GAB2: variants seen among roughly 807,000 people sequenced by gnomAD.
GAB2 encodes GRB2-associated-binding protein 2.
Under a neutral mutation model 65.5 loss-of-function variants are expected in GAB2, and 26 were observed. The ratio of observed to expected loss-of-function variants is 0.40; its 90% CI spans 0.29 to 0.55. GAB2 has a LOEUF of 0.55. GAB2 is among the 20% of genes least tolerant of loss of function. The pLI, the probability that GAB2 is intolerant of heterozygous loss-of-function variation, is 0.53. For missense variants in GAB2, 884 were observed against 875.8 expected, an observed-to-expected ratio of 1.01 and a Z score of -0.12; for synonymous variants, 321 against 329.6, an observed-to-expected ratio of 0.97 and a Z score of 0.28.
intron 1 of GAB2, among the ~76,000 whole-genome samples, chr11:78,301,394 A>C (rs949791113): frequency 1.4e-5 from 2 of 145,556 alleles, no homozygotes; most frequent in Non-Finnish European, 3.0e-5. Context: ...CAATGGCGTG[A>C]TCTGGGCTCA....
At chr11:78,250,967 A>G (rs1865438014) in intron 2 of GAB2, among the ~76,000 whole-genome samples, 2 of 152,126 alleles carry the variant, frequency 1.3e-5, no homozygotes, top group Admixed American at 1.3e-4. Context: ...GGAGGGAGAG[A>G]GGGGGACAAG....
At chr11:78,411,913 C>T (rs987265043) in intron 1 of GAB2, among the ~76,000 whole-genome samples, 3 of 151,900 alleles carry the variant, frequency 2.0e-5, no homozygotes, top group African/African-American at 7.3e-5. Context: ...ACCTGTAGTC[C>T]CAGCTACTCA....
chr11:78,321,938 T>C (rs1008919552), intron 1 of GAB2, among the ~76,000 whole-genome samples: 1 of 151,208 alleles, frequency 6.6e-6, no homozygotes, highest in Non-Finnish European at 1.5e-5. Context: ...GCTAAACATA[T>C]GCAGAAGAAT....
At chr11:78,235,373 C>T (rs1256171954) in intron 3 of GAB2, among the ~76,000 whole-genome samples, 3 of 151,984 alleles carry the variant, frequency 2.0e-5, no homozygotes, top group Non-Finnish European at 4.4e-5. Flanking sequence ...AGGATGGTCT[C>T]GATCTCCTGA....
intron 1 of GAB2, among the ~76,000 whole-genome samples, chr11:78,335,680 T>C (rs1454819916): frequency 6.6e-6 from 1 of 152,210 alleles, no homozygotes; most frequent in Non-Finnish European, 1.5e-5. Context: ...ATGTGATTCC[T>C]CAAGTTTTGT....
At chr11:78,268,849 G>C (rs992555126) in intron 2 of GAB2, among the ~76,000 whole-genome samples, 3 of 151,954 alleles carry the variant, frequency 2.0e-5, no homozygotes, top group African/African-American at 7.2e-5. Context: ...ATTCCCTGAA[G>C]TTGGTCAAGG....
At chr11:78,290,078 T>C (rs541117183) in intron 1 of GAB2, among the ~76,000 whole-genome samples, 1 of 152,132 alleles carries the variant, frequency 6.6e-6, no homozygotes, top group Non-Finnish European at 1.5e-5. Flanking sequence ...TGTGCTCTCA[T>C]CTGGCAAAGT....
At chr11:78,258,747 A>G (rs1390112963) in intron 2 of GAB2, among the ~76,000 whole-genome samples, 3 of 151,988 alleles carry the variant, frequency 2.0e-5, no homozygotes, top group Admixed American at 6.6e-5. Context: ...ATAGGCATGC[A>G]CCACCATGCC....
intron 1 of GAB2, among the ~76,000 whole-genome samples, chr11:78,410,733 T>C (rs1857116846): frequency 1.3e-5 from 2 of 152,216 alleles, no homozygotes; most frequent in African/African-American, 4.8e-5. Flanking sequence ...AAGAACCCCG[T>C]ATCTATTAAA....
At chr11:78,291,327 G>A (rs576696115) in intron 1 of GAB2, among the ~76,000 whole-genome samples, 100 of 148,922 alleles carry the variant, frequency 6.7e-4, no homozygotes, top group African/African-American at 1.3e-3. Context: ...TTAGCCAGGC[G>A]TGGTGGCGAG....
Position 78,218,264 on chromosome 11 carries a change from C to G in GAB2, c.*1008G>C, listed in dbSNP as rs1342493590. On this transcript the variant is annotated 3_prime_UTR_variant, in exon 10 of 10. Transcript: ENST00000361507. ...CCTGTGCCTGTCCCAGGGTTCCCCT[C>G]AGTCCCTGCATCACCCCCATCCACA... 1.3e-5 allele frequency: 2 copies of G among 154,026 alleles called. No individual in the cohort carries two copies. The highest frequency in any genetic ancestry group is 2.9e-5 in the Non-Finnish European group (2 of 69,236). The allele number at this position is 154,026 out of a possible 1,614,324, so 9.5% of individuals were successfully genotyped here.
chr11:78,313,285 CAA>C (rs1198602990), intron 1 of GAB2, among the ~76,000 whole-genome samples: 2 of 152,038 alleles, frequency 1.3e-5, no homozygotes, highest in Admixed American at 6.6e-5. Flanking sequence ...CACAATAAAG[CAA>C]AGACTGAATC....
chr11:78,367,827 T>TC (rs1856517068), intron 1 of GAB2, among the ~76,000 whole-genome samples: 1 of 146,396 alleles, frequency 6.8e-6, no homozygotes, highest in African/African-American at 2.5e-5. Context: ...TTTTCTTTTT[T>TC]TTTTTTTTTT....
chr11:78,353,484 A>C (rs1260719493), intron 1 of GAB2, among the ~76,000 whole-genome samples: 1 of 152,168 alleles, frequency 6.6e-6, no homozygotes, highest in Non-Finnish European at 1.5e-5. Context: ...GGGGCCCAAC[A>C]ATGTATATTT....
At chr11:78,275,392 C>G (rs946718420) in intron 2 of GAB2, among the ~76,000 whole-genome samples, 25 of 151,762 alleles carry the variant, frequency 1.6e-4, no homozygotes, top group African/African-American at 5.3e-4. Flanking sequence ...AGAAAGTAGT[C>G]AAATGTTAAC....
intron 4 of GAB2, among the ~76,000 whole-genome samples, chr11:78,225,436 C>A (rs1864605278): frequency 6.6e-6 from 1 of 152,232 alleles, no homozygotes; most frequent in African/African-American, 2.4e-5. Context: ...CTTGACTACT[C>A]TACCCTCATC....
At chr11:78,225,336 A>ATT in intron 4 of GAB2, 134 bp from the exon 5 acceptor site, 1 of 610,284 alleles carries the variant, frequency 1.6e-6, no homozygotes, top group Non-Finnish European at 2.9e-6. Flanking sequence ...AATGATAAGG[A>ATT]ATTTCTTCGA....
chr11:78,309,971 T>TGTGTGTGTGTGTGCGC (rs1421836447), intron 1 of GAB2, among the ~76,000 whole-genome samples: 15 of 120,088 alleles, frequency 1.2e-4, no homozygotes, highest in African/African-American at 5.4e-4. Flanking sequence ...TGTGTGTGTG[T>TGTGTGTGTGTGTGCGC]GCGCGCGCGC....
At chr11:78,255,593 T>C (rs1464069774) in intron 2 of GAB2, among the ~76,000 whole-genome samples, 1 of 152,190 alleles carries the variant, frequency 6.6e-6, no homozygotes, top group Non-Finnish European at 1.5e-5. Flanking sequence ...CCCCAATAGA[T>C]GAGGTTCCGG....
Sources: allele counts gnomAD v4.1 joint callset (sites outside exome capture counted in the v4.1 genomes callset), GRCh38; gene constraint gnomAD v4.1.1; transcripts MANE v1.5; gene names NCBI Gene and HGNC (gene_info 2026-07-23, HGNC 2026-07-21).